Variants in GPC5 observed in about 807,000 individuals in gnomAD.
The protein encoded by GPC5 is glypican 5.
Under a neutral mutation model 53.9 loss-of-function variants are expected in GPC5, and 47 were observed. That is an observed-to-expected ratio of 0.87 (90% CI 0.69 to 1.11). The LOEUF (loss-of-function observed/expected upper bound fraction) is 1.11, where lower values mean the gene tolerates loss of function less well. Among genes scored for constraint, GPC5 ranks in the 50% most tolerant of loss-of-function variants. The pLI is 0.00. For synonymous variants in GPC5, 286 were observed against 263.3 expected (o/e 1.09, Z -0.84); for missense variants, 748 against 713.1 (o/e 1.05, Z -0.56).
At chr13:92,537,570 A>G (rs1881766603) in intron 7 of GPC5, among the ~76,000 whole-genome samples, 1 of 152,116 alleles carries the variant, frequency 6.6e-6, no homozygotes, top group South Asian at 2.1e-4. Flanking sequence ...AGTGTTTATC[A>G]TCATCTCCCT....
At chr13:92,178,487 C>G (rs2042123962) in intron 7 of GPC5, among the ~76,000 whole-genome samples, 1 of 149,664 alleles carries the variant, frequency 6.7e-6, no homozygotes, top group Non-Finnish European at 1.5e-5. Flanking sequence ...ATACTATTAA[C>G]CTCAAGTTAC....
At chr13:92,166,003 TA>T (rs1369402822) in intron 7 of GPC5, among the ~76,000 whole-genome samples, 1 of 152,196 alleles carries the variant, frequency 6.6e-6, no homozygotes, top group Non-Finnish European at 1.5e-5. Context: ...AGATTGTGTA[TA>T]AAAAACTTCA....
chr13:92,752,127 A>G (rs1250772405), intron 7 of GPC5, among the ~76,000 whole-genome samples: 1 of 151,078 alleles, frequency 6.6e-6, no homozygotes, highest in Non-Finnish European at 1.5e-5. Flanking sequence ...TACCATACTG[A>G]CATTTCGAAA....
chr13:92,111,032 T>C (rs1410541103), intron 6 of GPC5, among the ~76,000 whole-genome samples: 1 of 152,296 alleles, frequency 6.6e-6, no homozygotes, highest in Non-Finnish European at 1.5e-5. Context: ...CCTTTCCAAC[T>C]GGCAAAATGT....
chr13:92,645,512 T>C (rs1885738295), intron 7 of GPC5, among the ~76,000 whole-genome samples: 1 of 152,198 alleles, frequency 6.6e-6, no homozygotes, highest in South Asian at 2.1e-4. Context: ...AAGTCTTGAC[T>C]TTATATGTAT....
At chr13:92,238,091 T>A (rs2042583235) in intron 7 of GPC5, among the ~76,000 whole-genome samples, 1 of 152,046 alleles carries the variant, frequency 6.6e-6, no homozygotes, top group African/African-American at 2.4e-5. Flanking sequence ...AATGGTCACC[T>A]CTGTTTTTGT....
chr13:92,428,784 C>T (rs1876954140), intron 7 of GPC5, among the ~76,000 whole-genome samples: 1 of 152,004 alleles, frequency 6.6e-6, no homozygotes, highest in Non-Finnish European at 1.5e-5. Context: ...GTAGAGCCAA[C>T]CATTACTAAT....
In GPC5 at chr13:92,798,184, G is replaced by A. The variant is rs575526252; in HGVS notation, c.1562-68098G>A. ...TTGGGAAACTGAGCATCATGAGGCCGAAGCATACTGGTTGTTTTTTGGGTA... is the reference window on the plus strand; with the variant it reads ...TTGGGAAACTGAGCATCATGAGGCCAAAGCATACTGGTTGTTTTTTGGGTA... On this transcript the variant is annotated intron_variant, in intron 7 of 7. Coordinates refer to ENST00000377067, the MANE Select transcript of GPC5 (RefSeq NM_004466.6). Among the ~76,000 whole-genome samples, 10 of 151,954 alleles carry A rather than the reference G, an allele frequency of 6.6e-5. No homozygotes were observed. The South Asian group carries it at 1.2e-3, about 19-fold the overall frequency.
intron 6 of GPC5, among the ~76,000 whole-genome samples, chr13:92,088,344 A>G (rs1457878294): frequency 3.3e-5 from 5 of 152,146 alleles, no homozygotes; most frequent in Non-Finnish European, 2.9e-5. Flanking sequence ...CCTTGGAATA[A>G]TATCTCTGAA....
intron 7 of GPC5, among the ~76,000 whole-genome samples, chr13:92,630,454 T>G (rs1002393952): frequency 3.3e-5 from 5 of 152,116 alleles, no homozygotes; most frequent in Admixed American, 3.3e-4. Flanking sequence ...TGAATTGAAA[T>G]GGATTGTTGG....
At chr13:91,603,850 T>G (rs1168406295) in intron 2 of GPC5, among the ~76,000 whole-genome samples, 2 of 152,082 alleles carry the variant, frequency 1.3e-5, no homozygotes, top group Admixed American at 1.3e-4. Context: ...TCTATATTGG[T>G]TTAAGTTTCT....
intron 7 of GPC5, among the ~76,000 whole-genome samples, chr13:92,612,757 C>T (rs1884480274): frequency 6.6e-6 from 1 of 151,994 alleles, no homozygotes; most frequent in Non-Finnish European, 1.5e-5. Flanking sequence ...CTGTTCTGTG[C>T]CAGACATTAT....
intron 7 of GPC5, among the ~76,000 whole-genome samples, chr13:92,747,465 AG>A (rs1307568904): frequency 2.6e-5 from 4 of 152,180 alleles, no homozygotes; most frequent in Non-Finnish European, 5.9e-5. Context: ...TTATGTTTTA[AG>A]GAGAGAGCAT....
At chr13:91,644,065 C>T (rs4551898) in intron 2 of GPC5, among the ~76,000 whole-genome samples, 141,993 of 152,078 alleles carry the variant, frequency 0.93, 66,411 homozygotes, top group East Asian at 1. Context: ...ACATAGGCTA[C>T]ATAGGATATA....
intron 7 of GPC5, among the ~76,000 whole-genome samples, chr13:92,368,053 C>T (rs34142862): frequency 0.01 from 1,561 of 152,176 alleles, 27 homozygotes; most frequent in Middle Eastern, 0.048. Flanking sequence ...GGCATGATCT[C>T]GGCTCACTGC....
chr13:92,558,885 C>T (rs76531148), intron 7 of GPC5, among the ~76,000 whole-genome samples: 2,005 of 152,086 alleles, frequency 0.013, 39 homozygotes, highest in African/African-American at 0.046. Flanking sequence ...TCCTTGTGAT[C>T]CTGGTGCTGT....
intron 7 of GPC5, among the ~76,000 whole-genome samples, chr13:92,350,180 A>T (rs78693425): frequency 0.032 from 4,841 of 152,254 alleles, 160 homozygotes; most frequent in African/African-American, 0.087. Context: ...ACAAAATTCA[A>T]CATTCTTTCA....
At chr13:91,922,681 A>C (rs1481273213) in intron 6 of GPC5, among the ~76,000 whole-genome samples, 1 of 152,208 alleles carries the variant, frequency 6.6e-6, no homozygotes, top group East Asian at 1.9e-4. Context: ...GATAAAAAAA[A>C]CAAAAATCAA....
At chr13:91,530,730 A>T (rs1374393456) in intron 2 of GPC5, among the ~76,000 whole-genome samples, 2 of 152,206 alleles carry the variant, frequency 1.3e-5, no homozygotes, top group African/African-American at 4.8e-5. Flanking sequence ...AATGATGTGA[A>T]TAACCAAGGG....
Sources: gnomAD v4.1 joint callset for allele counts (sites outside exome capture counted in the v4.1 genomes callset) on GRCh38, gnomAD v4.1.1 for gene constraint, MANE v1.5 for transcripts, NCBI Gene and HGNC (gene_info 2026-07-23, HGNC 2026-07-21) for gene names.